GRB14: variants seen among roughly 807,000 people sequenced by gnomAD.
GRB14 encodes growth factor receptor-bound protein 14.
GRB14 carries 38 observed loss-of-function variants against 69.1 expected under a neutral mutation model. The ratio of observed to expected loss-of-function variants is 0.55; its 90% CI spans 0.42 to 0.72. GRB14 has a LOEUF of 0.72. Among genes scored for constraint, GRB14 ranks in the 30% least tolerant of loss-of-function variants. The probability of loss-of-function intolerance (pLI) is 0.00; values close to 1 mark genes in which losing one functional copy is unlikely to be tolerated. For synonymous variants in GRB14, 247 were observed against 241.3 expected, an observed-to-expected ratio of 1.02 and a Z score of -0.22; for missense variants, 666 against 666.1, an observed-to-expected ratio of 1.00 and a Z score of 0.00.
intron 2 of GRB14, among the ~76,000 whole-genome samples, chr2:164,614,413 G>A (rs1247868681): frequency 2.0e-5 from 3 of 152,136 alleles, no homozygotes; most frequent in Non-Finnish European, 2.9e-5. Flanking sequence ...AAGCTAAGCA[G>A]TTTGTAATTT....
At chr2:164,572,953 T>G (rs1270394418) in intron 2 of GRB14, among the ~76,000 whole-genome samples, 1 of 152,224 alleles carries the variant, frequency 6.6e-6, no homozygotes, top group Non-Finnish European at 1.5e-5. Context: ...TATTGTGCTG[T>G]GCCCCCTTGG....
At chr2:164,564,256 G>T (rs1166120210) in intron 2 of GRB14, among the ~76,000 whole-genome samples, 1 of 152,166 alleles carries the variant, frequency 6.6e-6, no homozygotes, top group African/African-American at 2.4e-5. Context: ...GCCCAAGGAG[G>T]CAAACGATAT....
At chr2:164,501,126 T>G (rs146231692) in intron 9 of GRB14, among the ~76,000 whole-genome samples, 1 of 152,126 alleles carries the variant, frequency 6.6e-6, no homozygotes, top group Admixed American at 6.6e-5. Flanking sequence ...CATCTTAACA[T>G]GATTGCTTTT....
At chr2:164,548,608 T>C (rs1008599190) in intron 2 of GRB14, among the ~76,000 whole-genome samples, 1 of 152,200 alleles carries the variant, frequency 6.6e-6, no homozygotes, top group African/African-American at 2.4e-5. Context: ...ATGGCAGTTC[T>C]ATTTTTAATT....
At chr2:164,525,308 T>C (rs569929972) in intron 4 of GRB14, among the ~76,000 whole-genome samples, 2 of 152,222 alleles carry the variant, frequency 1.3e-5, no homozygotes, top group Admixed American at 1.3e-4. Context: ...CTGATGTGGA[T>C]GGATTCAAGT....
chr2:164,552,511 A>G (rs1163787999), intron 2 of GRB14, among the ~76,000 whole-genome samples: 1 of 152,202 alleles, frequency 6.6e-6, no homozygotes, highest in African/African-American at 2.4e-5. Flanking sequence ...CTCAATGAGT[A>G]AGAGACAAAT....
chr2:164,515,014 C>T (rs1687442815), intron 6 of GRB14, among the ~76,000 whole-genome samples: 1 of 152,144 alleles, frequency 6.6e-6, no homozygotes, highest in Non-Finnish European at 1.5e-5. Flanking sequence ...ACTCCATTGG[C>T]CTGAGAACAA....
At chr2:164,499,569 T>C (rs1686997465) in intron 9 of GRB14, among the ~76,000 whole-genome samples, 1 of 152,142 alleles carries the variant, frequency 6.6e-6, no homozygotes, top group Admixed American at 6.6e-5. Context: ...CTTCTCCCCT[T>C]TTCTAGCTCT....
chr2:164,527,500 C>A (rs1687812987), intron 3 of GRB14, among the ~76,000 whole-genome samples: 1 of 151,490 alleles, frequency 6.6e-6, no homozygotes, highest in African/African-American at 2.4e-5. Context: ...CTATTTTTTT[C>A]TCTGACTCAT....
At chr2:164,525,174 T>C in intron 4 of GRB14, 96 bp from the exon 5 acceptor site, 1 of 829,700 alleles carries the variant, frequency 1.2e-6, no homozygotes. Context: ...TTCTTTAAAC[T>C]GGTGTGACTA....
intron 2 of GRB14, among the ~76,000 whole-genome samples, chr2:164,617,021 C>A (rs1690314416): frequency 6.6e-6 from 1 of 152,146 alleles, no homozygotes; most frequent in Non-Finnish European, 1.5e-5. Flanking sequence ...CATCTATTCT[C>A]AAAACCTTCC....
At chr2:164,496,814 C>G (rs1172111852) in intron 12 of GRB14, among the ~76,000 whole-genome samples, 194 bp downstream of exon 12, 1 of 152,044 alleles carries the variant, frequency 6.6e-6, no homozygotes, top group Non-Finnish European at 1.5e-5. Flanking sequence ...TATACAAATA[C>G]CAGACACACA....
intron 9 of GRB14, among the ~76,000 whole-genome samples, chr2:164,498,613 TGGTG>T (rs1384244747): frequency 1.3e-5 from 2 of 152,096 alleles, no homozygotes; most frequent in African/African-American, 4.8e-5. Context: ...AAACCCAAAG[TGGTG>T]TTATAATAGT....
Position 164,592,857 on chromosome 2 carries a change from CT to C in GRB14, c.324+26829del, listed in dbSNP as rs1689700028. 1.3e-5 allele frequency among the ~76,000 whole-genome samples: 2 copies of C among 152,184 alleles called. 1 individual carries two copies. Among genetic ancestry groups the C allele is most frequent in the South Asian group, 4.1e-4 (2 of 4,832 alleles). ...TCTCTTATTTCCTTTTAATATTGCT[CT>C]GCTTTTCTCAAAGCATTTCAACTCT... On this transcript the variant is annotated intron_variant, in intron 2 of 13. Coordinates refer to ENST00000263915, the MANE Select transcript of GRB14 (RefSeq NM_004490.3).
chr2:164,517,825 A>AAT (rs1687535516), intron 6 of GRB14, among the ~76,000 whole-genome samples: 1 of 152,156 alleles, frequency 6.6e-6, no homozygotes, highest in Non-Finnish European at 1.5e-5. Context: ...CACAATCCTA[A>AAT]ATATATATAT....
intron 2 of GRB14, among the ~76,000 whole-genome samples, chr2:164,584,178 G>A (rs201664814): frequency 2.9e-5 from 2 of 68,530 alleles, no homozygotes; most frequent in South Asian, 9.9e-4. Flanking sequence ...TTTTTTTTTT[G>A]TATTTTAGTA....
intron 2 of GRB14, among the ~76,000 whole-genome samples, chr2:164,579,500 T>TGCGCGCACGCGC (rs571961893): frequency 2.5e-5 from 3 of 119,562 alleles, no homozygotes; most frequent in African/African-American, 9.5e-5. Flanking sequence ...AGGGCACACT[T>TGCGCGCACGCGC]GCACACACAC....
chr2:164,520,087 G>A (rs1559031596), intron 6 of GRB14, among the ~76,000 whole-genome samples: 1 of 152,078 alleles, frequency 6.6e-6, no homozygotes, highest in Non-Finnish European at 1.5e-5. Flanking sequence ...CAAACCTGGA[G>A]GCATCACATT....
At chr2:164,509,133 A>C (rs1216395869) in intron 6 of GRB14, among the ~76,000 whole-genome samples, 1 of 152,200 alleles carries the variant, frequency 6.6e-6, no homozygotes, top group Non-Finnish European at 1.5e-5. Flanking sequence ...CTCTTTAACC[A>C]CCATTTCAAG....
Sources: allele counts gnomAD v4.1 joint callset (sites outside exome capture counted in the v4.1 genomes callset), GRCh38; gene constraint gnomAD v4.1.1; transcripts MANE v1.5; gene names NCBI Gene and HGNC (gene_info 2026-07-23, HGNC 2026-07-21).